ANKRD30A: variants seen among roughly 807,000 people sequenced by gnomAD.
The protein encoded by ANKRD30A is ankyrin repeat domain 30A.
A neutral mutation model predicts 166.3 loss-of-function variants in ANKRD30A; 170 were observed. The observed-to-expected ratio is 1.02, with a 90% confidence interval of 0.90 to 1.16. The LOEUF (loss-of-function observed/expected upper bound fraction) is 1.16. Among genes scored for constraint, ANKRD30A ranks in the 50% most tolerant of loss-of-function variants. The pLI is 0.00. For missense variants in ANKRD30A, 1,630 were observed against 1,518.0 expected, an observed-to-expected ratio of 1.07 and a Z score of -1.23; for synonymous variants, 564 against 508.9, an observed-to-expected ratio of 1.11 and a Z score of -1.46.
chr10:37,198,974 C>T (rs1454565499), intron 29 of ANKRD30A, among the ~76,000 whole-genome samples: 1 of 152,000 alleles, frequency 6.6e-6, no homozygotes, highest in East Asian at 1.9e-4. Context: ...CTTGAGTGGG[C>T]CTTGATTTTA....
In ANKRD30A at chr10:37,231,680, G is replaced by T. The variant is rs192409608; in HGVS notation, c.*211G>T. 3 of 365,032 alleles carry T rather than the reference G, an allele frequency of 8.2e-6. No homozygotes were observed. The highest frequency in any genetic ancestry group is 4.1e-5 in the East Asian group (1 of 24,148). 22.6% of individuals were successfully genotyped at this position (365,032 alleles called of 1,614,324 possible). A position where few individuals can be genotyped will look rare whatever the true frequency, so the allele number is the denominator to read the frequency against. On this transcript the variant is annotated splice_region_variant and 3_prime_UTR_variant, in exon 35 of 36. Coordinates refer to ENST00000361713, the MANE Select transcript of ANKRD30A (RefSeq NM_052997.3). ...ACAGTGTGAAGAATTACTTGTTCAC[G>T]GTTAGTTATATTATCTGTCTTCCTT...
At chr10:37,213,076 A>G (rs1351829511) in intron 31 of ANKRD30A, among the ~76,000 whole-genome samples, 1 of 151,762 alleles carries the variant, frequency 6.6e-6, no homozygotes, top group Admixed American at 6.6e-5. Context: ...TGATCCTCTC[A>G]AAGTGTTTGG....
intron 31 of ANKRD30A, among the ~76,000 whole-genome samples, chr10:37,202,317 C>T (rs1841678995): frequency 6.6e-6 from 1 of 152,082 alleles, no homozygotes; most frequent in Admixed American, 6.6e-5. Flanking sequence ...AAAACTAGAA[C>T]TCAGGATTAA....
intron 25 of ANKRD30A, among the ~76,000 whole-genome samples, chr10:37,190,728 C>A (rs1168841548): frequency 6.6e-6 from 1 of 151,578 alleles, no homozygotes; most frequent in East Asian, 1.9e-4. Context: ...TGTGGGTGCT[C>A]TGGAGACTAC....
At chr10:37,142,404 T>A in intron 7 of ANKRD30A, 114 bp downstream of exon 7, 1 of 874,528 alleles carries the variant, frequency 1.1e-6, no homozygotes, top group Non-Finnish European at 1.7e-6. Flanking sequence ...AAGGCGAGCT[T>A]AGGCAACACT....
chr10:37,137,234 TAATAAC>T (rs1235385803), intron 6 of ANKRD30A, among the ~76,000 whole-genome samples: 1 of 152,084 alleles, frequency 6.6e-6, no homozygotes, highest in Non-Finnish European at 1.5e-5. Flanking sequence ...AAGTAGGAAT[TAATAAC>T]AGAAGCCAAG....
intron 29 of ANKRD30A, among the ~76,000 whole-genome samples, chr10:37,198,473 A>T (rs1841340683): frequency 6.6e-6 from 1 of 152,112 alleles, no homozygotes; most frequent in Non-Finnish European, 1.5e-5. Flanking sequence ...CATCTTTAAA[A>T]GGTTAGTTTT....
At chr10:37,179,018 ATAT>A (rs1839964441) in intron 24 of ANKRD30A, among the ~76,000 whole-genome samples, 1 of 4,362 alleles carries the variant, frequency 2.3e-4, no homozygotes, top group Non-Finnish European at 5.6e-4. Context: ...CGTCAAATAT[ATAT>A]ATATATATAT....
chr10:37,142,187 C>G lies in ANKRD30A; in HGVS notation c.1290C>G (p.Cys430Trp). ...EKKETPVKTG[C>W]VARVTSNKTK... The stretch of plus-strand genomic sequence containing the variant: ...AAGAAACACCTGTAAAGACTGGATG[C>G]GTGGCAAGAGTAACATCTAATAAAA... Residue 430 changes from cysteine (C) to tryptophan (W), a missense_variant, in exon 7 of 36, where the codon TGC becomes TGG. By Grantham distance (215) the Cys-to-Trp change is radical (BLOSUM62 -2). Coordinates refer to ENST00000361713, the MANE Select transcript of ANKRD30A (RefSeq NM_052997.3). 2 of 1,613,866 alleles carry G rather than the reference C, an allele frequency of 1.2e-6. No homozygotes were observed. The highest frequency in any genetic ancestry group is 1.3e-5 in the African/African-American group (1 of 74,982).
At chr10:37,184,078 G>A (rs1160783423) in intron 24 of ANKRD30A, among the ~76,000 whole-genome samples, 93 of 151,474 alleles carry the variant, frequency 6.1e-4, no homozygotes, top group African/African-American at 2.2e-3. Flanking sequence ...CTTGGTCTGA[G>A]TAGCAAAAGG....
chr10:37,197,543 T>G, intron 29 of ANKRD30A, 63 bp downstream of exon 29: 2 of 1,608,112 alleles, frequency 1.2e-6, no homozygotes, highest in East Asian at 2.2e-5. Flanking sequence ...TTGATGGTCT[T>G]TCTATCCCCA....
At chr10:37,166,303 T>C (rs1209959665) in intron 18 of ANKRD30A, among the ~76,000 whole-genome samples, 1 of 152,230 alleles carries the variant, frequency 6.6e-6, no homozygotes. Context: ...AAGTTAGATA[T>C]TTTTAAGAGA....
At chr10:37,229,663 C>A (rs1264062916) in intron 34 of ANKRD30A, among the ~76,000 whole-genome samples, 1 of 151,938 alleles carries the variant, frequency 6.6e-6, no homozygotes, top group African/African-American at 2.4e-5. Flanking sequence ...CAAGCTTCAG[C>A]TTCTTTTTCA....
At chr10:37,134,821 A>G (rs980523809) in intron 5 of ANKRD30A, among the ~76,000 whole-genome samples, 8 of 152,208 alleles carry the variant, frequency 5.3e-5, no homozygotes, top group African/African-American at 1.9e-4. Context: ...TCTTGCAAAT[A>G]TTAATTGTGA....
In ANKRD30A at chr10:37,133,922, C is replaced by T. The variant is rs768283508; in HGVS notation, c.624C>T (p.Ala208=). 2 of 1,613,888 alleles carry T rather than the reference C, an allele frequency of 1.2e-6. No individual in the cohort carries two copies. Among genetic ancestry groups the T allele is most frequent in the Non-Finnish European group, 1.7e-6 (2 of 1,179,894 alleles). Reference sequence around the variant, plus strand: ...TATCTCTTTGTTATTTTAGCACAGCCCTCATGCTTGCTGTATGTCATGGAT... The same window carrying T: ...TATCTCTTTGTTATTTTAGCACAGCTCTCATGCTTGCTGTATGTCATGGAT... ...ANAVNKYKCT[A]LMLAVCHGSS... Residue 208 remains alanine (A), a synonymous_variant, in exon 5 of 36, where the codon GCC becomes GCT. Coordinates refer to ENST00000361713, the MANE Select transcript of ANKRD30A (RefSeq NM_052997.3).
intron 9 of ANKRD30A, among the ~76,000 whole-genome samples, chr10:37,149,217 T>G (rs545723915): frequency 2.0e-5 from 3 of 152,014 alleles, no homozygotes; most frequent in Non-Finnish European, 4.4e-5. Flanking sequence ...TCATAACACT[T>G]CACTGATGAG....
At position 37,230,230 on chromosome 10, in the gene ANKRD30A, A is replaced by G. The variant is rs150476984; in HGVS notation, c.4186-1231A>G. Reference sequence around the variant, plus strand: ...AGGGATTTGTTGTCAAATGAACTAAACAAGTCAGTCAAAATATAATTATAG... The same window carrying G: ...AGGGATTTGTTGTCAAATGAACTAAGCAAGTCAGTCAAAATATAATTATAG... On this transcript the variant is annotated intron_variant, in intron 34 of 35. Coordinates refer to ENST00000361713, the MANE Select transcript of ANKRD30A (RefSeq NM_052997.3). 3.8e-3 allele frequency among the ~76,000 whole-genome samples: 584 copies of G among 152,194 alleles called. 2 individuals are homozygous for G. Among genetic ancestry groups the G allele is most frequent in the African/African-American group, 0.014 (565 of 41,560 alleles).
the ANKRD30A span, among the ~76,000 whole-genome samples, chr10:37,250,065 C>G: frequency 6.6e-6 from 1 of 152,046 alleles, no homozygotes; most frequent in African/African-American, 2.4e-5. Context: ...GTAAGAGGCT[C>G]TCTGAGAGCA....
downstream of ANKRD30A, among the ~76,000 whole-genome samples, chr10:37,234,394 T>G (rs1272691216): frequency 6.6e-6 from 1 of 152,170 alleles, no homozygotes; most frequent in Non-Finnish European, 1.5e-5. Flanking sequence ...AATGTTTTTG[T>G]AATAAATGAA....
Sources: gnomAD v4.1 joint callset for allele counts (sites outside exome capture counted in the v4.1 genomes callset) on GRCh38, gnomAD v4.1.1 for gene constraint, MANE v1.5 for transcripts, NCBI Gene and HGNC (gene_info 2026-07-23, HGNC 2026-07-21) for gene names.